The following SH3RF3 variants were observed in gnomAD, a reference collection of about 807,000 sequenced individuals.
SH3RF3 encodes the protein SH3 domain containing ring finger 3.
In SH3RF3, 29 loss-of-function variants were observed where a neutral mutation model predicts 66.3. That is an observed-to-expected ratio of 0.44 (90% CI 0.33 to 0.60). The LOEUF is 0.60. Ranked by LOEUF, SH3RF3 falls within the 20% of genes least tolerant of loss-of-function variation. SH3RF3 has a pLI of 0.04. For synonymous variants in SH3RF3, 583 were observed against 532.0 expected, an observed-to-expected ratio of 1.10 and a Z score of -1.32; for missense variants, 1,194 against 1,190.9, an observed-to-expected ratio of 1.00 and a Z score of -0.04.
chr2:109,350,878 G>T (rs1487840561), intron 2 of SH3RF3, among the ~76,000 whole-genome samples: 1 of 152,224 alleles, frequency 6.6e-6, no homozygotes, highest in East Asian at 1.9e-4. Flanking sequence ...GAGGAAAGAA[G>T]GGTCTCTGAA....
chr2:109,299,252 A>T (rs535530662), intron 1 of SH3RF3, among the ~76,000 whole-genome samples: 1 of 151,394 alleles, frequency 6.6e-6, no homozygotes, highest in South Asian at 2.1e-4. Context: ...AGGACCTCTC[A>T]CTCTTTAGCT....
chr2:109,385,160 T>G lies in SH3RF3; in HGVS notation c.946-13430T>G, dbSNP rs146600801. On this transcript the variant is annotated intron_variant, in intron 3 of 9. Transcript: ENST00000309415. ...CAGACAGTCGAGCAGAAGCTCTGGCTCTCTCTGTCACTCCCTGTGCCTCAG... is the reference window on the plus strand; with the variant it reads ...CAGACAGTCGAGCAGAAGCTCTGGCGCTCTCTGTCACTCCCTGTGCCTCAG... Among the ~76,000 whole-genome samples, 965 of 152,354 alleles carry G rather than the reference T, an allele frequency of 6.3e-3. 10 individuals carry two copies. Among genetic ancestry groups the G allele is most frequent in the East Asian group, 0.047 (245 of 5,172 alleles).
chr2:109,210,680 G>A (rs1678952233), intron 1 of SH3RF3, among the ~76,000 whole-genome samples: 2 of 152,200 alleles, frequency 1.3e-5, no homozygotes, highest in South Asian at 2.1e-4. Flanking sequence ...ACTCCAGGTG[G>A]GAGGCCCAGG....
At chr2:109,437,661 T>A (rs908998039) in intron 7 of SH3RF3, among the ~76,000 whole-genome samples, 2 of 151,714 alleles carry the variant, frequency 1.3e-5, no homozygotes, top group African/African-American at 4.8e-5. Flanking sequence ...CTTTCTGAAG[T>A]GCTCTGAGGC....
At chr2:109,384,408 C>T (rs547804827) in intron 3 of SH3RF3, among the ~76,000 whole-genome samples, 4 of 151,586 alleles carry the variant, frequency 2.6e-5, no homozygotes, top group African/African-American at 7.3e-5. Flanking sequence ...AAGCGGCCTT[C>T]GGGGAGGGGC....
At chr2:109,458,601 A>AGAGAGAGAGAGAGAGAGAGAGAGAG (rs1553524376) in intron 8 of SH3RF3, among the ~76,000 whole-genome samples, 243 of 148,834 alleles carry the variant, frequency 1.6e-3, no homozygotes, top group South Asian at 3.2e-3. Context: ...AGAGAGAGAG[A>AGAGAGAGAGAGAGAGAGAGAGAGAG]ATTTATTTAT....
chr2:109,378,070 G>A (rs140210763), intron 3 of SH3RF3, among the ~76,000 whole-genome samples: 14 of 152,290 alleles, frequency 9.2e-5, no homozygotes, highest in Admixed American at 2.6e-4. Context: ...TGGGCCAGGC[G>A]GGATGTGTTC....
intron 1 of SH3RF3, among the ~76,000 whole-genome samples, chr2:109,320,198 T>A (rs73955525): frequency 0.01 from 1,561 of 152,292 alleles, 32 homozygotes; most frequent in African/African-American, 0.035. Context: ...GGCTTGCCTC[T>A]GCTCGGCTCA....
At chr2:109,334,085 T>A (rs1682347928) in intron 1 of SH3RF3, among the ~76,000 whole-genome samples, 1 of 152,138 alleles carries the variant, frequency 6.6e-6, no homozygotes, top group Non-Finnish European at 1.5e-5. Context: ...AAAACCAGGT[T>A]CAGAGGCTCA....
chr2:109,384,170 T>C (rs767012732), intron 3 of SH3RF3, among the ~76,000 whole-genome samples: 7 of 152,136 alleles, frequency 4.6e-5, no homozygotes, highest in Non-Finnish European at 7.4e-5. Flanking sequence ...GGGTCCCACG[T>C]TCATCCAGTC....
chr2:109,317,502 C>T (rs1681915966), intron 1 of SH3RF3, among the ~76,000 whole-genome samples: 1 of 152,138 alleles, frequency 6.6e-6, no homozygotes, highest in African/African-American at 2.4e-5. Context: ...GCTCTGGCAG[C>T]AGCCCCGTTC....
intron 9 of SH3RF3, among the ~76,000 whole-genome samples, chr2:109,493,325 TACAA>T (rs1679179285): frequency 7.5e-6 from 1 of 134,204 alleles, no homozygotes; most frequent in Non-Finnish European, 1.6e-5. Flanking sequence ...ACGTACACCA[TACAA>T]ACACACCCCA....
At chr2:109,402,135 T>A (rs1384954183) in intron 4 of SH3RF3, among the ~76,000 whole-genome samples, 2 of 152,228 alleles carry the variant, frequency 1.3e-5, no homozygotes, top group Non-Finnish European at 2.9e-5. Context: ...AGTGTGCTGC[T>A]ATGGTCTGGA....
At chr2:109,457,316 G>A (rs1009457861) in intron 8 of SH3RF3, among the ~76,000 whole-genome samples, 1 of 152,084 alleles carries the variant, frequency 6.6e-6, no homozygotes, top group African/African-American at 2.4e-5. Flanking sequence ...ATCAAAGGAG[G>A]GGTTAATTTT....
At chr2:109,493,759 C>T (rs1055432031) in intron 9 of SH3RF3, among the ~76,000 whole-genome samples, 1 of 151,952 alleles carries the variant, frequency 6.6e-6, no homozygotes, top group Non-Finnish European at 1.5e-5. Flanking sequence ...ACACTGCACA[C>T]CAAACATGCA....
intron 8 of SH3RF3, among the ~76,000 whole-genome samples, chr2:109,484,157 T>C (rs1314118717): frequency 6.6e-6 from 1 of 151,284 alleles, no homozygotes; most frequent in Non-Finnish European, 1.5e-5. Context: ...ACCTCTGCCT[T>C]CTGGGTTCAA....
At chr2:109,161,003 G>T (rs1677475124) in intron 1 of SH3RF3, among the ~76,000 whole-genome samples, 1 of 152,152 alleles carries the variant, frequency 6.6e-6, no homozygotes, top group Non-Finnish European at 1.5e-5. Flanking sequence ...GGAGAACTGA[G>T]CCTGGCACTA....
At chr2:109,266,327 G>A (rs1443058920) in intron 1 of SH3RF3, among the ~76,000 whole-genome samples, 3 of 151,982 alleles carry the variant, frequency 2.0e-5, no homozygotes, top group East Asian at 1.9e-4. Flanking sequence ...TATGGTGTGT[G>A]TGTTGTGTGT....
In SH3RF3 at chr2:109,502,404, G is replaced by A. The variant is rs1679413769; in HGVS notation, c.*733G>A. 6.6e-6 allele frequency: 1 copy of A among 152,120 alleles called. No individual in the cohort carries two copies. The highest frequency in any genetic ancestry group is 1.9e-4 in the East Asian group (1 of 5,192). 9.4% of individuals were successfully genotyped at this position (152,120 alleles called of 1,614,324 possible). A position where few individuals can be genotyped will look rare whatever the true frequency, so the allele number is the denominator to read the frequency against. On this transcript the variant is annotated 3_prime_UTR_variant, in exon 10 of 10. Transcript: ENST00000309415. ...ACATTGCCTATTTTTCATACATCTGGTGCTGCCTTTTTGTAAAACTAATAA... is the reference window on the plus strand; with the variant it reads ...ACATTGCCTATTTTTCATACATCTGATGCTGCCTTTTTGTAAAACTAATAA...
Sources: allele counts gnomAD v4.1 joint callset (sites outside exome capture counted in the v4.1 genomes callset), GRCh38; gene constraint gnomAD v4.1.1; transcripts MANE v1.5; gene names NCBI Gene and HGNC (gene_info 2026-07-23, HGNC 2026-07-21).